Variants in SYNPO2 observed in about 807,000 individuals in gnomAD.
The protein encoded by SYNPO2 is synaptopodin 2, also known as synaptopodin-2.
A neutral mutation model predicts 85.0 loss-of-function variants in SYNPO2; 56 were observed. The observed-to-expected ratio is 0.66, with a 90% CI of 0.53 to 0.82. The LOEUF (loss-of-function observed/expected upper bound fraction) is 0.82. SYNPO2 is among the 40% of genes least tolerant of loss of function. The pLI is 0.00. For missense variants in SYNPO2, 1,575 were observed against 1,534.2 expected, an observed-to-expected ratio of 1.03 and a Z score of -0.44; for synonymous variants, 602 against 591.1, an observed-to-expected ratio of 1.02 and a Z score of -0.27.
intron 1 of SYNPO2, among the ~76,000 whole-genome samples, chr4:118,938,291 G>A (rs1197576135): frequency 6.6e-6 from 1 of 152,134 alleles, no homozygotes; most frequent in Non-Finnish European, 1.5e-5. Context: ...CTGTACTCCA[G>A]TCTGGCTGAC....
chr4:118,855,259 G>GC (rs1731484434), intron 1 of SYNPO2, among the ~76,000 whole-genome samples: 2 of 151,926 alleles, frequency 1.3e-5, no homozygotes, highest in Non-Finnish European at 2.9e-5. Context: ...TTTTTAGTTG[G>GC]AAAAAATTCT....
chr4:118,905,915 G>C (rs1350101617), intron 1 of SYNPO2, among the ~76,000 whole-genome samples: 1 of 151,978 alleles, frequency 6.6e-6, no homozygotes, highest in African/African-American at 2.4e-5. Flanking sequence ...ATGATATAGG[G>C]GCTTGTTCCT....
Position 119,029,831 on chromosome 4 carries a change from T to TC in SYNPO2, c.1070-14_1070-13insC. 1.3e-6 allele frequency: 2 copies of TC among 1,525,222 alleles called. No homozygotes were observed. The highest frequency in any genetic ancestry group is 2.8e-5 in the African/African-American group (2 of 71,674). The allele number at this position is 1,525,222 out of a possible 1,614,324, so 94.5% of individuals were successfully genotyped here. A position where few individuals can be genotyped will look rare whatever the true frequency, so the allele number is the denominator to read the frequency against. On this transcript the variant is annotated splice_polypyrimidine_tract_variant and intron_variant, in intron 3 of 4. Transcript: ENST00000307142. Reference sequence around the variant, plus strand: ...ATCAGCTCAATATAATTTTTTTTTTTTTGCTTTCCCTAGGGCTCAGGAGGA... The same window carrying TC: ...ATCAGCTCAATATAATTTTTTTTTTTCTTGCTTTCCCTAGGGCTCAGGAGGA...
chr4:118,954,142 T>G (rs1313380789), intron 1 of SYNPO2, among the ~76,000 whole-genome samples: 1 of 152,220 alleles, frequency 6.6e-6, no homozygotes, highest in Non-Finnish European at 1.5e-5. Flanking sequence ...GTTATTATAT[T>G]ACAAAGCTGT....
chr4:118,994,590 A>G (rs1736523664), intron 1 of SYNPO2, among the ~76,000 whole-genome samples: 1 of 152,156 alleles, frequency 6.6e-6, no homozygotes, highest in African/African-American at 2.4e-5. Flanking sequence ...TTACAGAGGA[A>G]TTTTCTTTAA....
At chr4:119,021,546 A>G (rs1450095980) in intron 1 of SYNPO2, among the ~76,000 whole-genome samples, 1 of 152,244 alleles carries the variant, frequency 6.6e-6, no homozygotes, top group Admixed American at 6.5e-5. Context: ...GTCATCATAC[A>G]TGGTTCATTG....
At chr4:118,976,319 C>G (rs541452574) in intron 1 of SYNPO2, among the ~76,000 whole-genome samples, 28 of 152,198 alleles carry the variant, frequency 1.8e-4, no homozygotes, top group African/African-American at 6.3e-4. Flanking sequence ...TCATTCCTCC[C>G]GCTGGGCTCG....
intron 1 of SYNPO2, among the ~76,000 whole-genome samples, chr4:119,009,119 T>C (rs1737191455): frequency 6.6e-6 from 1 of 152,238 alleles, no homozygotes; most frequent in Non-Finnish European, 1.5e-5. Context: ...CCATTGTACA[T>C]CTAGCACAAA....
chr4:118,874,418 T>A (rs1731863375), intron 1 of SYNPO2, among the ~76,000 whole-genome samples: 1 of 152,152 alleles, frequency 6.6e-6, no homozygotes, highest in African/African-American at 2.4e-5. Flanking sequence ...CACAAATTAA[T>A]CCCTGTTAAA....
intron 4 of SYNPO2, among the ~76,000 whole-genome samples, chr4:119,041,645 T>C (rs543406438): frequency 1.3e-5 from 2 of 152,364 alleles, no homozygotes; most frequent in East Asian, 3.8e-4. Context: ...GTGGGTGGTA[T>C]TACTGAAATA....
intron 1 of SYNPO2, among the ~76,000 whole-genome samples, chr4:118,871,462 C>T (rs1047083625): frequency 2.6e-5 from 4 of 151,882 alleles, no homozygotes; most frequent in Admixed American, 1.3e-4. Flanking sequence ...ATTTGTATTT[C>T]TCGTCTGTTC....
chr4:118,990,478 T>A (rs1431198769), intron 1 of SYNPO2, among the ~76,000 whole-genome samples: 1 of 152,220 alleles, frequency 6.6e-6, no homozygotes, highest in Non-Finnish European at 1.5e-5. Context: ...ATGCTGGGGA[T>A]AAGATGGTGA....
At chr4:118,958,801 G>A (rs1734969631) in intron 1 of SYNPO2, among the ~76,000 whole-genome samples, 1 of 152,176 alleles carries the variant, frequency 6.6e-6, no homozygotes, top group Non-Finnish European at 1.5e-5. Flanking sequence ...ATTTCCCTCA[G>A]ATGGCTCCCC....
At chr4:118,966,810 T>G (rs990223666) in intron 1 of SYNPO2, among the ~76,000 whole-genome samples, 1 of 152,142 alleles carries the variant, frequency 6.6e-6, no homozygotes, top group African/African-American at 2.4e-5. Context: ...ATTTTACTAA[T>G]GTAGGTTGAA....
intron 4 of SYNPO2, chr4:119,036,602 A>C (rs1229861176): frequency 1.0e-6 from 1 of 985,344 alleles, no homozygotes; most frequent in Non-Finnish European, 1.2e-6. Flanking sequence ...TCATCCCTCT[A>C]TGGTTCTAGA....
At chr4:118,930,356 A>T (rs1025899976) in intron 1 of SYNPO2, among the ~76,000 whole-genome samples, 3 of 152,160 alleles carry the variant, frequency 2.0e-5, no homozygotes, top group Non-Finnish European at 4.4e-5. Flanking sequence ...ACTTTTTATC[A>T]TCTCCTTCAT....
At chr4:118,951,051 T>A (rs1267567009) in intron 1 of SYNPO2, among the ~76,000 whole-genome samples, 1 of 152,168 alleles carries the variant, frequency 6.6e-6, no homozygotes, top group Non-Finnish European at 1.5e-5. Flanking sequence ...GAGGCAGGAT[T>A]TTATTGACAT....
At chr4:118,880,019 C>T (rs370009953) in intron 1 of SYNPO2, among the ~76,000 whole-genome samples, 108 of 152,256 alleles carry the variant, frequency 7.1e-4, no homozygotes, top group African/African-American at 2.3e-3. Context: ...CCTTTCTTTC[C>T]TCTCCCTCTG....
intron 1 of SYNPO2, among the ~76,000 whole-genome samples, chr4:118,925,555 A>G (rs2149130396): frequency 6.6e-6 from 1 of 152,280 alleles, no homozygotes; most frequent in African/African-American, 2.4e-5. Context: ...GTCCTTCAAG[A>G]CTGGTCTGTA....
Sources: allele counts gnomAD v4.1 joint callset (sites outside exome capture counted in the v4.1 genomes callset), GRCh38; gene constraint gnomAD v4.1.1; transcripts MANE v1.5; gene names NCBI Gene and HGNC (gene_info 2026-07-23, HGNC 2026-07-21).